The following CASP9 variants were observed in gnomAD, a reference collection of about 807,000 sequenced individuals.
CASP9 encodes caspase-9.
In CASP9, 29 loss-of-function variants were observed where a neutral mutation model predicts 43.5. The ratio of observed to expected loss-of-function variants is 0.67; its 90% confidence interval spans 0.50 to 0.91. CASP9 has a LOEUF of 0.91. CASP9 is among the 40% of genes least tolerant of loss of function. CASP9 has a pLI of 0.00. For missense variants in CASP9, 575 were observed against 537.4 expected, an observed-to-expected ratio of 1.07 and a Z score of -0.69; for synonymous variants, 206 against 211.9, an observed-to-expected ratio of 0.97 and a Z score of 0.24.
At chr1:15,504,130 C>T (rs1570842133) in intron 6 of CASP9, among the ~76,000 whole-genome samples, 1 of 152,300 alleles carries the variant, frequency 6.6e-6, no homozygotes, top group East Asian at 1.9e-4. Context: ...TGAGACACTG[C>T]ACCCAGCCCA....
chr1:15,498,312 C>G (rs1709190871), intron 6 of CASP9, among the ~76,000 whole-genome samples: 1 of 151,886 alleles, frequency 6.6e-6, no homozygotes, highest in African/African-American at 2.4e-5. Flanking sequence ...CTCCTGGGCT[C>G]AAGCAATCTG....
rs919785264 is a variant in CASP9 at position 15,491,561 on chromosome 1, C to G, written c.*1382G>C. 1 of 488,076 alleles carries G rather than the reference C, an allele frequency of 2.0e-6. No individual in the cohort carries two copies. Among genetic ancestry groups the G allele is most frequent in the Admixed American group, 3.3e-5 (1 of 30,714 alleles). 30.2% of individuals were successfully genotyped at this position (488,076 alleles called of 1,614,324 possible). On this transcript the variant is annotated 3_prime_UTR_variant, in exon 9 of 9. Coordinates refer to ENST00000333868, the MANE Select transcript of CASP9 (RefSeq NM_001229.5). ...TCGCTTGAGTCCAGGAGTTCAAGAC[C>G]AGCCTGAGTAACATGGCATAACTCT...
chr1:15,504,162 G>A (rs971016382), intron 6 of CASP9, among the ~76,000 whole-genome samples: 5 of 152,062 alleles, frequency 3.3e-5, no homozygotes, highest in Non-Finnish European at 5.9e-5. Flanking sequence ...AATGTTCCTC[G>A]AACCCCCACA....
Position 15,518,101 on chromosome 1 carries a change from G to T in CASP9, c.418+9C>A, listed in dbSNP as rs373945606. On this transcript the variant is annotated intron_variant, in intron 2 of 8. Transcript: ENST00000333868. ...ATGCCCACCCACCAATCACTCTCTTGCTACTTACCGACATCACCAAATCCT... is the reference window on the plus strand; with the variant it reads ...ATGCCCACCCACCAATCACTCTCTTTCTACTTACCGACATCACCAAATCCT... The T allele has an allele frequency of 6.2e-7, 1 of 1,613,194 alleles. No individual in the cohort carries two copies.
chr1:15,504,693 C>T lies in CASP9; in HGVS notation c.786G>A (p.Lys262=). The T allele has an allele frequency of 6.2e-7, 1 of 1,614,248 alleles. No homozygotes were observed. Residue 262 remains lysine (K), a synonymous_variant, in exon 6 of 9, where the codon AAG becomes AAA. Coordinates refer to ENST00000333868, the MANE Select transcript of CASP9 (RefSeq NM_001229.5). Reference sequence around the variant, plus strand: ...TGGTCCCATTGAAGATGTTCACAATCTTCTCGACCGACACAGGGCATCCAT... The same window carrying T: ...TGGTCCCATTGAAGATGTTCACAATTTTCTCGACCGACACAGGGCATCCAT... ...GTDGCPVSVE[K]IVNIFNGTSC...
chr1:15,510,613 A>C (rs537645653), intron 2 of CASP9, among the ~76,000 whole-genome samples: 1 of 152,256 alleles, frequency 6.6e-6, no homozygotes, highest in African/African-American at 2.4e-5. Context: ...ACAGGTGCCC[A>C]TGGAGGGAGC....
intron 1 of CASP9, among the ~76,000 whole-genome samples, chr1:15,519,486 A>G (rs911349786): frequency 1.3e-5 from 2 of 152,172 alleles, no homozygotes; most frequent in Non-Finnish European, 2.9e-5. Flanking sequence ...CCGGCCACCA[A>G]AGAGTTTTAA....
chr1:15,506,849 C>T (rs770232388), intron 4 of CASP9, 50 bp downstream of exon 4: 3 of 1,488,244 alleles, frequency 2.0e-6, no homozygotes, highest in East Asian at 2.3e-5. Flanking sequence ...AAAGATACTT[C>T]CCCACCCACT....
chr1:15,518,220 AG>A lies in CASP9; in HGVS notation c.307del (p.Leu103Ter). On this transcript the variant is annotated frameshift_variant, in exon 2 of 9. Transcript: ENST00000333868. LOFTEE classifies it high-confidence loss of function. ...GAGCACCACTGGGGTAAGGTTTTCTAGGGTTGGCTTCGACAACTTTGCTGCT... is the reference window on the plus strand; with the variant it reads ...GAGCACCACTGGGGTAAGGTTTTCTAGGTTGGCTTCGACAACTTTGCTGCT... ...RQAAKLSKPT[L>X]ENLTPVVLRP... 2 of 1,614,188 alleles carry A rather than the reference AG, an allele frequency of 1.2e-6. No individual in the cohort carries two copies. Among genetic ancestry groups the A allele is most frequent in the Non-Finnish European group, 1.7e-6 (2 of 1,180,030 alleles).
At chr1:15,515,684 G>A (rs1709920563) in intron 2 of CASP9, among the ~76,000 whole-genome samples, 1 of 152,160 alleles carries the variant, frequency 6.6e-6, no homozygotes, top group Non-Finnish European at 1.5e-5. Flanking sequence ...CATCACACAG[G>A]AAAAAATGTC....
chr1:15,518,454 T>C (rs1710046709), intron 1 of CASP9, 59 bp from the exon 2 acceptor site: 2 of 1,538,032 alleles, frequency 1.3e-6, no homozygotes, highest in Non-Finnish European at 1.8e-6. Flanking sequence ...GGCTCTCACC[T>C]TGTCTCCCCA....
At chr1:15,510,950 T>C (rs1263282318) in intron 2 of CASP9, among the ~76,000 whole-genome samples, 1 of 152,046 alleles carries the variant, frequency 6.6e-6, no homozygotes, top group Admixed American at 6.5e-5. Flanking sequence ...GTTTCGTCCC[T>C]CCGAACCTAT....
chr1:15,499,712 T>C (rs908248411), intron 6 of CASP9, among the ~76,000 whole-genome samples: 1 of 152,194 alleles, frequency 6.6e-6, no homozygotes, highest in Admixed American at 6.5e-5. Context: ...ATAAAGCCAT[T>C]TGAGCTAGTG....
At chr1:15,517,589 A>G (rs1434045558) in intron 2 of CASP9, among the ~76,000 whole-genome samples, 1 of 152,208 alleles carries the variant, frequency 6.6e-6, no homozygotes, top group East Asian at 1.9e-4. Flanking sequence ...GACCTTTGGC[A>G]AAGTGTTTAA....
intron 6 of CASP9, among the ~76,000 whole-genome samples, chr1:15,502,732 G>C (rs528000136): frequency 6.6e-6 from 1 of 152,304 alleles, no homozygotes; most frequent in East Asian, 1.9e-4. Flanking sequence ...GCACAAGACT[G>C]ACTAACTGTC....
At chr1:15,494,382 T>C (rs1278127352) in intron 7 of CASP9, among the ~76,000 whole-genome samples, 2 of 151,870 alleles carry the variant, frequency 1.3e-5, no homozygotes, top group Admixed American at 6.6e-5. Context: ...CTGGCCAACA[T>C]GGTGAAACCC....
Position 15,495,343 on chromosome 1 carries a change from G to A in CASP9, c.978C>T (p.Phe326=), listed in dbSNP as rs188789995. 9.9e-6 allele frequency: 16 copies of A among 1,610,626 alleles called. No homozygotes were observed. The highest frequency in any genetic ancestry group is 6.7e-5 in the Admixed American group (4 of 59,464). Residue 326 remains phenylalanine, a synonymous_variant, in exon 7 of 9, where the codon TTC becomes TTT. Transcript: ENST00000333868. ...AACTAGATATGGCGTCCAGCTGGTC[G>A]AAGGTCCTCAAACCTTCCTGGAACG... ...ATPFQEGLRT[F]DQLDAISSLP...
At chr1:15,524,429 C>T, upstream of CASP9, 2 of 1,259,754 alleles carry the variant, frequency 1.6e-6, no homozygotes, top group African/African-American at 3.4e-5. Flanking sequence ...TGCGCCTCGC[C>T]CCGCCCCCAG....
At chr1:15,511,898 A>G (rs1005374916) in intron 2 of CASP9, among the ~76,000 whole-genome samples, 8 of 152,212 alleles carry the variant, frequency 5.3e-5, no homozygotes, top group African/African-American at 1.9e-4. Flanking sequence ...GGCCCTCCCC[A>G]GCCCTTGGCA....
Sources: gnomAD v4.1 joint callset for allele counts (sites outside exome capture counted in the v4.1 genomes callset) on GRCh38, gnomAD v4.1.1 for gene constraint, MANE v1.5 for transcripts, NCBI Gene and HGNC (gene_info 2026-07-23, HGNC 2026-07-21) for gene names.